DPYD: variants seen among roughly 807,000 people sequenced by gnomAD.
DPYD encodes dihydropyrimidine dehydrogenase.
A neutral mutation model predicts 116.2 loss-of-function variants in DPYD; 109 were observed. The observed-to-expected ratio is 0.94, with a 90% CI of 0.80 to 1.10. The LOEUF (loss-of-function observed/expected upper bound fraction) is 1.10. Among genes scored for constraint, DPYD ranks in the 50% least tolerant of loss-of-function variants. DPYD has a pLI of 0.00. For synonymous variants in DPYD, 440 were observed against 432.0 expected, an observed-to-expected ratio of 1.02 and a Z score of -0.23; for missense variants, 1,302 against 1,254.5, an observed-to-expected ratio of 1.04 and a Z score of -0.57.
intron 18 of DPYD, among the ~76,000 whole-genome samples, chr1:97,288,078 A>T (rs1018472924): frequency 1.3e-5 from 2 of 151,442 alleles, no homozygotes; most frequent in African/African-American, 2.4e-5. Flanking sequence ...AAAGATCAAA[A>T]GAGACAAAGA....
At chr1:97,420,718 T>C (rs1483742823) in intron 14 of DPYD, among the ~76,000 whole-genome samples, 6 of 152,122 alleles carry the variant, frequency 3.9e-5, no homozygotes, top group Non-Finnish European at 1.5e-5. Flanking sequence ...CCATTTGTAG[T>C]TCCCGGTTGT....
At chr1:97,557,285 A>C (rs1341409396) in intron 11 of DPYD, among the ~76,000 whole-genome samples, 1 of 134,444 alleles carries the variant, frequency 7.4e-6, no homozygotes, top group African/African-American at 2.8e-5. Flanking sequence ...GGTTGCGAAA[A>C]TTTTCTATTC....
chr1:97,774,886 A>AG, intron 3 of DPYD: 1 of 238,360 alleles, frequency 4.2e-6, no homozygotes, highest in Non-Finnish European at 9.3e-6. Flanking sequence ...AAAACATACA[A>AG]GGGAAAAACC....
At chr1:97,668,958 G>A (rs1482479701) in intron 8 of DPYD, among the ~76,000 whole-genome samples, 1 of 151,984 alleles carries the variant, frequency 6.6e-6, no homozygotes, top group Admixed American at 6.6e-5. Context: ...TATAATCTTT[G>A]ACTGATTAAC....
chr1:97,168,848 ATTT>A (rs11457298), intron 20 of DPYD, among the ~76,000 whole-genome samples: 2 of 142,380 alleles, frequency 1.4e-5, no homozygotes, highest in Non-Finnish European at 3.1e-5. Context: ...CCACTTAGTA[ATTT>A]TTTTTTTTTT....
At chr1:97,626,390 T>C (rs1028953595) in intron 8 of DPYD, among the ~76,000 whole-genome samples, 1 of 152,026 alleles carries the variant, frequency 6.6e-6, no homozygotes, top group African/African-American at 2.4e-5. Context: ...TTATTCTCAA[T>C]TTAAATTGGA....
chr1:97,436,122 T>C (rs1675457431), intron 14 of DPYD, among the ~76,000 whole-genome samples: 1 of 151,956 alleles, frequency 6.6e-6, no homozygotes, highest in Non-Finnish European at 1.5e-5. Flanking sequence ...AGTTTTCACA[T>C]TATCCTTTCT....
chr1:97,714,655 C>CAAAAAAAAAAAAAAAAAAAAA (rs1193831747), intron 5 of DPYD, among the ~76,000 whole-genome samples: 8 of 49,924 alleles, frequency 1.6e-4, no homozygotes, highest in Non-Finnish European at 2.1e-4. Flanking sequence ...AAAGAAAAGA[C>CAAAAAAAAAAAAAAAAAAAAA]AAAAAAAAAA....
intron 20 of DPYD, among the ~76,000 whole-genome samples, chr1:97,128,017 A>T (rs1313511767): frequency 6.6e-6 from 1 of 152,198 alleles, no homozygotes; most frequent in Non-Finnish European, 1.5e-5. Flanking sequence ...GTGAATGAAT[A>T]AGTGTTGGTT....
At chr1:97,301,675 C>T (rs936014726) in intron 18 of DPYD, among the ~76,000 whole-genome samples, 10 of 151,988 alleles carry the variant, frequency 6.6e-5, no homozygotes, top group South Asian at 2.1e-4. Context: ...CTGTTTCTCC[C>T]GAAGCACCTG....
intron 18 of DPYD, among the ~76,000 whole-genome samples, chr1:97,248,423 C>A (rs914177537): frequency 6.6e-6 from 1 of 152,170 alleles, no homozygotes; most frequent in African/African-American, 2.4e-5. Context: ...TTGCCTTCCA[C>A]CATGATTGCA....
chr1:97,525,222 G>A (rs967159972), intron 12 of DPYD, among the ~76,000 whole-genome samples: 21 of 152,166 alleles, frequency 1.4e-4, no homozygotes, highest in Admixed American at 1.1e-3. Flanking sequence ...GTAGGCTGAT[G>A]ATTCCTACTC....
intron 2 of DPYD, among the ~76,000 whole-genome samples, chr1:97,845,873 C>T (rs1429977489): frequency 1.3e-5 from 2 of 152,186 alleles, no homozygotes; most frequent in African/African-American, 2.4e-5. Flanking sequence ...CAGCAGATGC[C>T]GCATGTGGTA....
chr1:97,745,927 G>A (rs1664526866), intron 3 of DPYD, among the ~76,000 whole-genome samples: 1 of 151,962 alleles, frequency 6.6e-6, no homozygotes, highest in South Asian at 2.1e-4. Flanking sequence ...TTTGAAGACT[G>A]AGAAAAAAGC....
At chr1:97,395,378 C>T (rs1041094645) in intron 14 of DPYD, among the ~76,000 whole-genome samples, 1 of 151,510 alleles carries the variant, frequency 6.6e-6, no homozygotes, top group African/African-American at 2.4e-5. Context: ...CTCATTTATC[C>T]CCCACAACAA....
intron 3 of DPYD, among the ~76,000 whole-genome samples, chr1:97,784,844 C>T (rs533076344): frequency 2.0e-5 from 3 of 152,254 alleles, no homozygotes; most frequent in Admixed American, 6.5e-5. Context: ...GTTAAATAGA[C>T]ACTAACAAAG....
At chr1:97,213,916 C>A (rs1185335466) in intron 19 of DPYD, among the ~76,000 whole-genome samples, 6 of 152,110 alleles carry the variant, frequency 3.9e-5, no homozygotes. Flanking sequence ...CTAAAATGCC[C>A]ATTTTAGACA....
At chr1:97,362,275 A>G (rs990468640) in intron 16 of DPYD, among the ~76,000 whole-genome samples, 9 of 152,220 alleles carry the variant, frequency 5.9e-5, no homozygotes, top group African/African-American at 1.9e-4. Flanking sequence ...AAGGAGAACT[A>G]CAAACCACTG....
At chr1:97,762,379 T>C (rs556653005) in intron 3 of DPYD, among the ~76,000 whole-genome samples, 1 of 152,220 alleles carries the variant, frequency 6.6e-6, no homozygotes, top group Admixed American at 6.5e-5. Context: ...AAGGTTATTA[T>C]TCAGAGGATG....
Sources: gnomAD v4.1 joint callset for allele counts (sites outside exome capture counted in the v4.1 genomes callset) on GRCh38, gnomAD v4.1.1 for gene constraint, MANE v1.5 for transcripts, NCBI Gene and HGNC (gene_info 2026-07-23, HGNC 2026-07-21) for gene names.